The following TRPC1 variants were observed in gnomAD, a reference collection of about 807,000 sequenced individuals.
TRPC1 encodes the protein transient receptor potential cation channel subfamily C member 1.
A neutral mutation model predicts 88.2 loss-of-function variants in TRPC1; 42 were observed. The observed-to-expected ratio is 0.48, with a 90% CI of 0.37 to 0.62. The LOEUF is 0.62. Ranked by LOEUF, TRPC1 falls within the 20% of genes least tolerant of loss-of-function variation. The pLI, the probability that TRPC1 is intolerant of heterozygous loss-of-function variation, is 0.00. For missense variants in TRPC1, 699 were observed against 957.3 expected (o/e 0.73, Z 3.56); for synonymous variants, 288 against 331.8 (o/e 0.87, Z 1.43).
chr3:142,757,527 T>C (rs1935017417), intron 4 of TRPC1, among the ~76,000 whole-genome samples: 1 of 151,944 alleles, frequency 6.6e-6, no homozygotes, highest in African/African-American at 2.4e-5. Context: ...AAACCATCAT[T>C]CTCAGCAAAC....
At chr3:142,803,846 C>A in intron 10 of TRPC1, 131 bp from the exon 11 acceptor site, 1 of 896,186 alleles carries the variant, frequency 1.1e-6, no homozygotes, top group Non-Finnish European at 1.7e-6. Context: ...TGGAAGTCAA[C>A]ATCATTTTTA....
At chr3:142,777,926 C>G in intron 5 of TRPC1, among the ~76,000 whole-genome samples, 163 bp downstream of exon 5, 1 of 152,186 alleles carries the variant, frequency 6.6e-6, no homozygotes, top group East Asian at 1.9e-4. Context: ...CTCAAAGGAA[C>G]AGACCCTGGT....
At chr3:142,731,346 A>G (rs1459552162) in intron 1 of TRPC1, among the ~76,000 whole-genome samples, 1 of 150,280 alleles carries the variant, frequency 6.7e-6, no homozygotes, top group East Asian at 1.9e-4. Context: ...TAGAAAAATC[A>G]CAAAGTTTGT....
At chr3:142,733,281 G>T (rs1304724479) in intron 1 of TRPC1, among the ~76,000 whole-genome samples, 2 of 152,166 alleles carry the variant, frequency 1.3e-5, no homozygotes, top group Non-Finnish European at 2.9e-5. Flanking sequence ...GGAGGCCAAG[G>T]CGGGCAGATC....
intron 9 of TRPC1, among the ~76,000 whole-genome samples, chr3:142,794,790 A>G (rs1369832102): frequency 1.3e-5 from 2 of 152,154 alleles, no homozygotes; most frequent in African/African-American, 2.4e-5. Context: ...TCTTGCCTCA[A>G]TAGTTATCTC....
intron 4 of TRPC1, among the ~76,000 whole-genome samples, chr3:142,753,226 A>C (rs1202163107): frequency 6.6e-5 from 10 of 152,218 alleles, no homozygotes; most frequent in Admixed American, 6.5e-4. Context: ...TAGGGGAGCT[A>C]TGACTTGACA....
At chr3:142,749,207 G>T (rs193005666) in intron 4 of TRPC1, among the ~76,000 whole-genome samples, 1 of 152,048 alleles carries the variant, frequency 6.6e-6, no homozygotes, top group African/African-American at 2.4e-5. Flanking sequence ...ATAGTGCAAC[G>T]CATTACTCAC....
At chr3:142,750,889 T>A (rs747464349) in intron 4 of TRPC1, among the ~76,000 whole-genome samples, 4 of 151,912 alleles carry the variant, frequency 2.6e-5, no homozygotes, top group Non-Finnish European at 5.9e-5. Flanking sequence ...ATGGCACGTG[T>A]ATACCTATGT....
intron 7 of TRPC1, 122 bp from the exon 8 acceptor site, chr3:142,790,896 GT>G (rs61563090): frequency 1.2e-5 from 10 of 839,950 alleles, no homozygotes; most frequent in Admixed American, 4.4e-5. Flanking sequence ...TTTTGGTTTT[GT>G]TTTTTTTTCT....
At chr3:142,766,703 C>T (rs993699797) in intron 4 of TRPC1, among the ~76,000 whole-genome samples, 2 of 152,114 alleles carry the variant, frequency 1.3e-5, no homozygotes, top group Non-Finnish European at 2.9e-5. Context: ...TTCCCCCATG[C>T]TGGATGCCCT....
Position 142,776,912 on chromosome 3 carries a change from G to GA in TRPC1, c.633-711dup, listed in dbSNP as rs199979276. On this transcript the variant is annotated intron_variant, in intron 4 of 12. Coordinates refer to ENST00000476941, the MANE Select transcript of TRPC1 (RefSeq NM_001251845.2). The surrounding 1 kb of genome is among the most constrained non-coding windows in gnomAD (Gnocchi z 4.1). ...GTGAGACTCCATCTCAAAAAAAAAAGAAAAAAAAAGTATTTTTATTACTGA... is the reference window on the plus strand; with the variant it reads ...GTGAGACTCCATCTCAAAAAAAAAAGAAAAAAAAAAGTATTTTTATTACTGA... Among the ~76,000 whole-genome samples the GA allele has an allele frequency of 3.9e-3, 587 of 148,904 alleles. 5 individuals are homozygous for GA. The highest frequency in any genetic ancestry group is 0.014 in the African/African-American group (558 of 40,568).
chr3:142,805,938 A>T, intron 12 of TRPC1, 70 bp from the exon 13 acceptor site: 2 of 1,359,242 alleles, frequency 1.5e-6, no homozygotes, highest in Non-Finnish European at 2.0e-6. Flanking sequence ...GTCTGTGAAT[A>T]TATTTTTGAA....
chr3:142,734,741 A>G (rs1250104936), intron 1 of TRPC1, among the ~76,000 whole-genome samples: 3 of 152,024 alleles, frequency 2.0e-5, no homozygotes, highest in Non-Finnish European at 2.9e-5. Flanking sequence ...AATTTGAGAC[A>G]AGCCTGGGCA....
chr3:142,740,550 A>G (rs752747275), intron 2 of TRPC1, among the ~76,000 whole-genome samples: 2 of 152,252 alleles, frequency 1.3e-5, no homozygotes, highest in Non-Finnish European at 2.9e-5. Context: ...GGAAACATCT[A>G]CATTTAATAA....
chr3:142,765,261 A>C (rs1183112568), intron 4 of TRPC1, among the ~76,000 whole-genome samples: 1 of 152,222 alleles, frequency 6.6e-6, no homozygotes, highest in Non-Finnish European at 1.5e-5. Flanking sequence ...AGCAATTTAC[A>C]GATTCAATGC....
chr3:142,786,991 G>T (rs1006223620), intron 7 of TRPC1, among the ~76,000 whole-genome samples: 1 of 152,086 alleles, frequency 6.6e-6, no homozygotes, highest in African/African-American at 2.4e-5. Context: ...TGCTGTCCCC[G>T]ATTTTCATAA....
chr3:142,792,813 C>T lies in TRPC1; in HGVS notation c.1438-11C>T. 6.4e-7 allele frequency: 1 copy of T among 1,557,892 alleles called. No homozygotes were observed. The highest frequency in any genetic ancestry group is 8.7e-7 in the Non-Finnish European group (1 of 1,156,054). ...GCTTATTTACCTTTGGCTTTTTCTT[C>T]CTAACCTTAGTTTCATGATTTTGCT... is the stretch of plus-strand genomic sequence containing the variant. On this transcript the variant is annotated splice_polypyrimidine_tract_variant and intron_variant, in intron 8 of 12. Coordinates refer to ENST00000476941, the MANE Select transcript of TRPC1 (RefSeq NM_001251845.2). The surrounding 1 kb of genome is among the most constrained non-coding windows in gnomAD (Gnocchi z 4.0).
intron 4 of TRPC1, among the ~76,000 whole-genome samples, chr3:142,775,828 A>G (rs1351030309): frequency 6.6e-6 from 1 of 152,208 alleles, no homozygotes; most frequent in Non-Finnish European, 1.5e-5. Context: ...ATTTTAAACC[A>G]CCTATAAAAT....
intron 1 of TRPC1, among the ~76,000 whole-genome samples, chr3:142,726,486 G>A (rs1933673508): frequency 6.6e-6 from 1 of 151,998 alleles, no homozygotes; most frequent in Non-Finnish European, 1.5e-5. Flanking sequence ...GGCTTTGGGG[G>A]GGTAGGGTGG....
Sources: allele counts gnomAD v4.1 joint callset (sites outside exome capture counted in the v4.1 genomes callset), GRCh38; gene constraint gnomAD v4.1.1; non-coding constraint Gnocchi (gnomAD v3.1); transcripts MANE v1.5; gene names NCBI Gene and HGNC (gene_info 2026-07-23, HGNC 2026-07-21).